Variants in KDM2A observed in about 807,000 individuals in gnomAD.
The protein encoded by KDM2A is lysine demethylase 2A.
A neutral mutation model predicts 137.3 loss-of-function variants in KDM2A; 3 were observed. That is an observed-to-expected ratio of 0.02 (90% confidence interval 0.01 to 0.06). The LOEUF is 0.06. KDM2A is among the 10% of genes least tolerant of loss of function. The pLI is 1.00. For synonymous variants in KDM2A, 512 were observed against 541.5 expected (o/e 0.95, Z 0.76); for missense variants, 738 against 1,510.6 (o/e 0.49, Z 8.48).
chr11:67,249,881 C>G (rs1859355451), intron 16 of KDM2A, among the ~76,000 whole-genome samples: 1 of 152,106 alleles, frequency 6.6e-6, no homozygotes, highest in Non-Finnish European at 1.5e-5. Flanking sequence ...CCTATAATTC[C>G]AGCACTTTGG....
At chr11:67,204,307 T>G (rs1338078230) in intron 5 of KDM2A, among the ~76,000 whole-genome samples, 2 of 152,160 alleles carry the variant, frequency 1.3e-5, no homozygotes, top group Admixed American at 1.3e-4. Context: ...TTCTAGAATT[T>G]CATCACCCCA....
At chr11:67,135,157 CTT>C (rs935260910) in intron 2 of KDM2A, among the ~76,000 whole-genome samples, 5 of 151,964 alleles carry the variant, frequency 3.3e-5, no homozygotes, top group African/African-American at 1.2e-4. Context: ...CAACCTCCGC[CTT>C]CTGGGTTCAA....
Position 67,254,356 on chromosome 11 carries a change from C to G in KDM2A, c.3245C>G (p.Ser1082Cys). 6.2e-7 allele frequency: 1 copy of G among 1,614,054 alleles called. No individual in the cohort carries two copies. The highest frequency in any genetic ancestry group is 8.5e-7 in the Non-Finnish European group (1 of 1,179,892). The change falls in exon 20 of 21, where the codon TCC (serine) becomes TGC (cysteine). Residue 1082 changes from serine (S) to cysteine (C), a missense_variant. This residue lies in a region of KDM2A where 166 missense variants were observed against 324.0 expected (regional missense o/e 0.51). Transcript: ENST00000529006. The surrounding 1 kb of genome is among the most constrained non-coding windows in gnomAD (Gnocchi z 4.7). ...TGCAGCCACCTTACAGATCAGTCCT[C>G]CAATCTACTCACTGCTGTCGGGTCT... ...SHCSHLTDQS[S>C]NLLTAVGSST...
intron 2 of KDM2A, among the ~76,000 whole-genome samples, chr11:67,159,214 G>T (rs1856583953): frequency 6.6e-6 from 1 of 152,104 alleles, no homozygotes; most frequent in South Asian, 2.1e-4. Flanking sequence ...TTAGTGTTTA[G>T]ATTTATTTAG....
At chr11:67,197,040 CTAA>C (rs1385154669) in intron 5 of KDM2A, 1 of 152,696 alleles carries the variant, frequency 6.5e-6, no homozygotes, top group Non-Finnish European at 1.5e-5. Context: ...CTTCTTACTG[CTAA>C]TAATGATCTT....
At chr11:67,208,287 G>A (rs1280302123) in intron 6 of KDM2A, among the ~76,000 whole-genome samples, 3 of 150,940 alleles carry the variant, frequency 2.0e-5, no homozygotes, top group Non-Finnish European at 4.4e-5. Context: ...TGTCCAGGCT[G>A]ACCTTGAACT....
intron 2 of KDM2A, among the ~76,000 whole-genome samples, chr11:67,173,310 C>CG (rs1856915135): frequency 6.6e-6 from 1 of 152,170 alleles, no homozygotes; most frequent in Admixed American, 6.5e-5. Flanking sequence ...TTAGTAGAGA[C>CG]GGGGTTTCTC....
chr11:67,221,239 T>G (rs994948824), intron 10 of KDM2A, among the ~76,000 whole-genome samples: 3 of 152,194 alleles, frequency 2.0e-5, no homozygotes, highest in Admixed American at 6.5e-5. Flanking sequence ...GTTGTGATGT[T>G]TGTAAGTTAC....
chr11:67,122,630 A>AT (rs1306558526), intron 2 of KDM2A, among the ~76,000 whole-genome samples: 1 of 147,272 alleles, frequency 6.8e-6, no homozygotes, highest in Non-Finnish European at 1.5e-5. Flanking sequence ...GCCATGGCCT[A>AT]TTTTTTATTT....
intron 5 of KDM2A, among the ~76,000 whole-genome samples, chr11:67,198,578 C>T (rs1481582164): frequency 6.6e-6 from 1 of 151,592 alleles, no homozygotes; most frequent in African/African-American, 2.4e-5. Context: ...GGCGCAGTGG[C>T]GGGCGCCTGT....
intron 2 of KDM2A, among the ~76,000 whole-genome samples, chr11:67,134,636 C>T (rs543551949): frequency 1.3e-5 from 2 of 152,066 alleles, no homozygotes; most frequent in Admixed American, 1.3e-4. Flanking sequence ...TCCTGAGTAG[C>T]TGGGATTACA....
intron 2 of KDM2A, among the ~76,000 whole-genome samples, chr11:67,177,837 G>A (rs1283326299): frequency 6.6e-6 from 1 of 152,146 alleles, no homozygotes; most frequent in African/African-American, 2.4e-5. Flanking sequence ...ATGACTGGCA[G>A]CACAGTTAGA....
chr11:67,186,177 G>C (rs1245384557), intron 5 of KDM2A, among the ~76,000 whole-genome samples: 2 of 151,970 alleles, frequency 1.3e-5, no homozygotes, highest in African/African-American at 4.8e-5. Context: ...GATGAACTCA[G>C]AGACCCTCAC....
intron 2 of KDM2A, among the ~76,000 whole-genome samples, chr11:67,126,564 C>T (rs541267737): frequency 1.3e-5 from 2 of 151,898 alleles, no homozygotes; most frequent in South Asian, 2.1e-4. Flanking sequence ...AAAAATTAGC[C>T]GGATGTGGTG....
chr11:67,241,788 G>A (rs772201786), intron 12 of KDM2A, among the ~76,000 whole-genome samples: 2 of 152,196 alleles, frequency 1.3e-5, no homozygotes, highest in Non-Finnish European at 2.9e-5. Context: ...AAAAGATTTG[G>A]CCAGGTGCAG....
chr11:67,224,957 C>T (rs1391412904), intron 10 of KDM2A, among the ~76,000 whole-genome samples: 3 of 149,830 alleles, frequency 2.0e-5, no homozygotes, highest in Non-Finnish European at 3.0e-5. Flanking sequence ...TTCTCCTGCC[C>T]AGGCATCCCG....
At chr11:67,170,638 C>A (rs1319689198) in intron 2 of KDM2A, among the ~76,000 whole-genome samples, 2 of 151,944 alleles carry the variant, frequency 1.3e-5, no homozygotes, top group African/African-American at 4.8e-5. Flanking sequence ...TGGTCTCGAT[C>A]TCCTCACCCA....
intron 10 of KDM2A, among the ~76,000 whole-genome samples, chr11:67,225,970 C>A (rs903335418): frequency 6.6e-6 from 1 of 152,106 alleles, no homozygotes; most frequent in Non-Finnish European, 1.5e-5. Context: ...GAGGCTGAGG[C>A]AGGAGAATCG....
At chr11:67,197,771 G>A (rs1212906461) in intron 5 of KDM2A, among the ~76,000 whole-genome samples, 1 of 152,128 alleles carries the variant, frequency 6.6e-6, no homozygotes, top group Non-Finnish European at 1.5e-5. Context: ...TAAATGTGAA[G>A]TGCTTAGAAC....
Sources: allele counts gnomAD v4.1 joint callset (sites outside exome capture counted in the v4.1 genomes callset), GRCh38; gene constraint gnomAD v4.1.1; regional missense constraint gnomAD v4.1.1; non-coding constraint Gnocchi (gnomAD v3.1); transcripts MANE v1.5; gene names NCBI Gene and HGNC (gene_info 2026-07-23, HGNC 2026-07-21).